SAMD5: variants seen among roughly 807,000 people sequenced by gnomAD.
SAMD5 encodes the protein sterile alpha motif domain containing 5.
A neutral mutation model predicts 11.3 loss-of-function variants in SAMD5; 13 were observed. The ratio of observed to expected loss-of-function variants is 1.15; its 90% CI spans 0.75 to 1.83. The LOEUF (loss-of-function observed/expected upper bound fraction) is 1.83. Ranked by LOEUF, SAMD5 falls within the 40% of genes most tolerant of loss-of-function variation. SAMD5 has a pLI of 0.00. For synonymous variants in SAMD5, 129 were observed against 111.3 expected, an observed-to-expected ratio of 1.16 and a Z score of -1.00; for missense variants, 255 against 239.1, an observed-to-expected ratio of 1.07 and a Z score of -0.44.
the SAMD5 span, among the ~76,000 whole-genome samples, chr6:147,869,300 T>G: frequency 7.2e-5 from 11 of 152,358 alleles, no homozygotes; most frequent in Admixed American, 7.2e-4. Context: ...TCTGCAGCTT[T>G]CTGAAGGGCA....
At chr6:147,778,294 CT>C in the SAMD5 span, among the ~76,000 whole-genome samples, 34 of 152,318 alleles carry the variant, frequency 2.2e-4, no homozygotes, top group African/African-American at 7.9e-4. Context: ...AGCCCCCTGG[CT>C]TTAAATACCA....
At chr6:147,817,133 A>C in the SAMD5 span, among the ~76,000 whole-genome samples, 1 of 152,080 alleles carries the variant, frequency 6.6e-6, no homozygotes, top group Non-Finnish European at 1.5e-5. Context: ...TCATCATCAG[A>C]CTTAAATGTT....
At chr6:147,842,183 C>G in the SAMD5 span, among the ~76,000 whole-genome samples, 1 of 151,796 alleles carries the variant, frequency 6.6e-6, no homozygotes, top group South Asian at 2.1e-4. Flanking sequence ...TTTCAAACAC[C>G]TTTGGCTTGG....
At chr6:147,823,679 A>G in the SAMD5 span, among the ~76,000 whole-genome samples, 2 of 152,232 alleles carry the variant, frequency 1.3e-5, no homozygotes, top group Non-Finnish European at 2.9e-5. Flanking sequence ...ATTAGGCACA[A>G]GAACTGAACG....
At chr6:147,669,420 CTTTTTTTT>C (rs55877273) in intron 1 of SAMD5, among the ~76,000 whole-genome samples, 10 of 74,518 alleles carry the variant, frequency 1.3e-4, no homozygotes, top group African/African-American at 4.2e-4. Flanking sequence ...AGCTCCACTT[CTTTTTTTT>C]TTTTTTTTTT....
the SAMD5 span, among the ~76,000 whole-genome samples, chr6:147,803,131 CTG>C: frequency 0.091 from 12,477 of 136,494 alleles, 581 homozygotes; most frequent in Admixed American, 0.11. Context: ...GCCTTCCTTT[CTG>C]TGTGTGTGTG....
chr6:147,918,767 G>T, the SAMD5 span, among the ~76,000 whole-genome samples: 6 of 144,262 alleles, frequency 4.2e-5, no homozygotes, highest in Admixed American at 2.2e-4. Context: ...GCGTGATCTC[G>T]GCTCACTGCA....
chr6:147,951,504 G>A, the SAMD5 span, among the ~76,000 whole-genome samples: 3 of 152,114 alleles, frequency 2.0e-5, no homozygotes, highest in African/African-American at 7.2e-5. Flanking sequence ...AGACAGGTCA[G>A]TGCATTGGGC....
At chr6:147,717,641 T>C (rs1791486840) in intron 1 of SAMD5, among the ~76,000 whole-genome samples, 1 of 152,084 alleles carries the variant, frequency 6.6e-6, no homozygotes, top group South Asian at 2.1e-4. Context: ...AAAACTGTCT[T>C]CCGCAAGACC....
intron 1 of SAMD5, among the ~76,000 whole-genome samples, chr6:147,692,888 T>A (rs1791123407): frequency 6.6e-6 from 1 of 152,152 alleles, no homozygotes; most frequent in South Asian, 2.1e-4. Flanking sequence ...TCAACCCAGA[T>A]TAAGTGCTGT....
intron 1 of SAMD5, among the ~76,000 whole-genome samples, chr6:147,605,930 G>A (rs1265999720): frequency 1.3e-5 from 2 of 151,972 alleles, no homozygotes; most frequent in African/African-American, 4.8e-5. Flanking sequence ...TCACAGAGAA[G>A]ACTCTAGTGG....
chr6:147,834,000 G>A, the SAMD5 span, among the ~76,000 whole-genome samples: 2 of 152,208 alleles, frequency 1.3e-5, no homozygotes, highest in Non-Finnish European at 2.9e-5. Flanking sequence ...GAATATTGCA[G>A]AGAAGATGAA....
chr6:147,921,274 AAC>A, the SAMD5 span, among the ~76,000 whole-genome samples: 8,271 of 140,870 alleles, frequency 0.059, 253 homozygotes, highest in Middle Eastern at 0.084. Flanking sequence ...GAGAGTATAA[AAC>A]ACACACACAC....
At chr6:147,705,262 A>G (rs1363984745) in intron 1 of SAMD5, among the ~76,000 whole-genome samples, 3 of 152,196 alleles carry the variant, frequency 2.0e-5, no homozygotes, top group African/African-American at 4.8e-5. Context: ...TGTGCTTTCC[A>G]TGAGTGCCTA....
intron 1 of SAMD5, among the ~76,000 whole-genome samples, chr6:147,657,831 C>T (rs1790593204): frequency 1.3e-5 from 2 of 152,094 alleles, no homozygotes; most frequent in African/African-American, 4.8e-5. Flanking sequence ...AATCACCACC[C>T]AAAAGTTTCA....
intron 1 of SAMD5, among the ~76,000 whole-genome samples, chr6:147,685,722 T>A (rs1791001173): frequency 6.6e-6 from 1 of 152,218 alleles, no homozygotes; most frequent in Non-Finnish European, 1.5e-5. Flanking sequence ...TCTTCTTTTT[T>A]TTGACCAATT....
intron 1 of SAMD5, among the ~76,000 whole-genome samples, chr6:147,733,962 A>G (rs1445313401): frequency 6.6e-6 from 1 of 152,206 alleles, no homozygotes; most frequent in African/African-American, 2.4e-5. Context: ...TCTCTGTCCA[A>G]AATGGACAGG....
intron 1 of SAMD5, among the ~76,000 whole-genome samples, chr6:147,732,806 G>A (rs1043955321): frequency 2.6e-5 from 4 of 152,300 alleles, no homozygotes; most frequent in Admixed American, 6.5e-5. Context: ...AATCAGAAGA[G>A]TAATTTACAG....
chr6:147,906,537 G>C, the SAMD5 span, among the ~76,000 whole-genome samples: 1 of 152,210 alleles, frequency 6.6e-6, no homozygotes, highest in Non-Finnish European at 1.5e-5. Flanking sequence ...CCATTGACAA[G>C]TGCCTGGAGC....
Sources: allele counts gnomAD v4.1 joint callset (sites outside exome capture counted in the v4.1 genomes callset), GRCh38; gene constraint gnomAD v4.1.1; transcripts MANE v1.5; gene names NCBI Gene and HGNC (gene_info 2026-07-23, HGNC 2026-07-21).